ZSCAN22: variants seen among roughly 807,000 people sequenced by gnomAD.
ZSCAN22 encodes the protein zinc finger and SCAN domain containing 22.
A neutral mutation model predicts 12.4 loss-of-function variants in ZSCAN22; 7 were observed. The observed-to-expected ratio is 0.57, with a 90% CI of 0.32 to 1.06. ZSCAN22 has a LOEUF of 1.06. Ranked by LOEUF, ZSCAN22 falls within the 50% of genes least tolerant of loss-of-function variation. The pLI, the probability that ZSCAN22 is intolerant of heterozygous loss-of-function variation, is 0.04. For missense variants in ZSCAN22, 576 were observed against 631.7 expected, an observed-to-expected ratio of 0.91 and a Z score of 0.94; for synonymous variants, 243 against 255.9, an observed-to-expected ratio of 0.95 and a Z score of 0.48.
chr19:58,334,146 G>A (rs1172837125), intron 1 of ZSCAN22, among the ~76,000 whole-genome samples: 1 of 152,200 alleles, frequency 6.6e-6, no homozygotes, highest in African/African-American at 2.4e-5. Flanking sequence ...TTGGGGAGGA[G>A]CACGCCTTAA....
At position 58,334,852 on chromosome 19, in the gene ZSCAN22, G is replaced by A; in HGVS notation, c.50G>A (p.Ser17Asn). 6.2e-7 allele frequency: 1 copy of A among 1,613,692 alleles called. No homozygotes were observed. The highest frequency in any genetic ancestry group is 8.5e-7 in the Non-Finnish European group (1 of 1,179,992). The change falls in exon 2 of 3, where the codon AGC (serine) becomes AAC (asparagine). Residue 17 changes from serine (S) to asparagine (N), a missense_variant. Coordinates refer to ENST00000329665, the MANE Select transcript of ZSCAN22 (RefSeq NM_181846.3). ...AGCCCAGTGCCGTGGGAAGAGGACA[G>A]CTTCCTTCAAGTGAAGGTGGAGGAG... ...SLSPVPWEED[S>N]FLQVKVEEEE...
chr19:58,335,507 C>T lies in ZSCAN22; in HGVS notation c.403+302C>T, dbSNP rs1352906675. On this transcript the variant is annotated intron_variant, in intron 2 of 2. Coordinates refer to ENST00000329665, the MANE Select transcript of ZSCAN22 (RefSeq NM_181846.3). This position sits in a 1 kb window ranked among gnomAD's most constrained non-coding sequence, Gnocchi z 4.1. ...TGTTCTGTTTCTCAGTTGGTTTTTT[C>T]TGTGTTAGCTTCATTCTTATTTTAG... Among the ~76,000 whole-genome samples the T allele has an allele frequency of 1.3e-5, 2 of 152,178 alleles. No individual in the cohort carries two copies. The highest frequency in any genetic ancestry group is 2.9e-5 in the Non-Finnish European group (2 of 68,022).
intron 1 of ZSCAN22, among the ~76,000 whole-genome samples, chr19:58,331,517 CGTT>C (rs1243139687): frequency 2.0e-5 from 2 of 100,620 alleles, no homozygotes; most frequent in African/African-American, 9.2e-5. Flanking sequence ...GTCCAGCTGA[CGTT>C]ATTATTATTA....
chr19:58,339,196 C>G lies in ZSCAN22; in HGVS notation c.1346C>G (p.Ser449Cys). 1.2e-6 allele frequency: 2 copies of G among 1,613,834 alleles called. No individual in the cohort carries two copies. The highest frequency in any genetic ancestry group is 1.7e-6 in the Non-Finnish European group (2 of 1,179,934). The change falls in exon 3 of 3, where the codon TCC becomes TGC. Residue 449 changes from serine to cysteine, a missense_variant. Transcript: ENST00000329665. The surrounding 1 kb of genome is among the most constrained non-coding windows in gnomAD (Gnocchi z 5.6). Reference sequence around the variant, plus strand: ...TGTCCGAAGGCCTTTGCACAGAGCTCCTCCCTCATTGAGCACCAGAGGATC... The same window carrying G: ...TGTCCGAAGGCCTTTGCACAGAGCTGCTCCCTCATTGAGCACCAGAGGATC... ...KVCPKAFAQS[S>C]SLIEHQRIHT...
rs199766103 is a variant in ZSCAN22 at position 58,338,543 on chromosome 19, T to G, written c.693T>G (p.Ser231Arg). Residue 231 changes from serine to arginine, a missense_variant, in exon 3 of 3, where the codon AGT (serine) becomes AGG (arginine). Transcript: ENST00000329665. The surrounding 1 kb of genome is among the most constrained non-coding windows in gnomAD (Gnocchi z 5.4). ...CTGGTGCCTCGAGGAACAGTTCTAG[T>G]GCGTGGCCAAACCTCACCTCCCAAG... The part of the protein sequence containing the change: ...RESGASRNSS[S>R]AWPNLTSQEK... 1.2e-6 allele frequency: 2 copies of G among 1,614,204 alleles called. No individual in the cohort carries two copies.
chr19:58,338,836 G>A lies in ZSCAN22; in HGVS notation c.986G>A (p.Cys329Tyr). Residue 329 changes from cysteine (C) to tyrosine (Y), a missense_variant, in exon 3 of 3, where the codon TGT becomes TAT. Coordinates refer to ENST00000329665, the MANE Select transcript of ZSCAN22 (RefSeq NM_181846.3). The surrounding 1 kb of genome is among the most constrained non-coding windows in gnomAD (Gnocchi z 5.4). Reference sequence around the variant, plus strand: ...GCGAAGCCCCATGAGTGTAAGGAATGTGGGAAGGCCTTCAGCCGAGTCACC... The same window carrying A: ...GCGAAGCCCCATGAGTGTAAGGAATATGGGAAGGCCTTCAGCCGAGTCACC... ...TGAKPHECKECGKAFSRVTHL... is the reference protein window; with the variant it reads ...TGAKPHECKEYGKAFSRVTHL... 1 of 1,614,010 alleles carries A rather than the reference G, an allele frequency of 6.2e-7. No individual in the cohort carries two copies. The highest frequency in any genetic ancestry group is 8.5e-7 in the Non-Finnish European group (1 of 1,179,850).
chr19:58,334,918 A>G lies in ZSCAN22; in HGVS notation c.116A>G (p.His39Arg), dbSNP rs1306886608. The G allele has an allele frequency of 6.2e-7, 1 of 1,614,060 alleles. No individual in the cohort carries two copies. Among genetic ancestry groups the G allele is most frequent in the African/African-American group, 1.3e-5 (1 of 74,946 alleles). Residue 39 changes from histidine to arginine, a missense_variant, in exon 2 of 3, where the codon CAT (histidine) becomes CGT (arginine). Physicochemically the swap from His to Arg is conservative, Grantham distance 29. Transcript: ENST00000329665. ...ASLSQGGESS[H>R]DHIAHSEAAR... ...CTCTCCCAGGGCGGAGAATCCAGCC[A>G]TGACCACATTGCTCACTCTGAGGCT...
intron 1 of ZSCAN22, among the ~76,000 whole-genome samples, chr19:58,333,003 T>C (rs1034136955): frequency 1.3e-5 from 2 of 152,262 alleles, no homozygotes; most frequent in African/African-American, 2.4e-5. Flanking sequence ...TGTGAAGTGC[T>C]ATCTCATTGT....
At chr19:58,337,048 G>A (rs961950417) in intron 2 of ZSCAN22, among the ~76,000 whole-genome samples, 2 of 152,196 alleles carry the variant, frequency 1.3e-5, no homozygotes, top group African/African-American at 2.4e-5. Context: ...AGGTCAGTGC[G>A]AGCATTCCTC....
At chr19:58,328,131 A>C (rs1310327138) in intron 1 of ZSCAN22, among the ~76,000 whole-genome samples, 1 of 152,186 alleles carries the variant, frequency 6.6e-6, no homozygotes, top group Non-Finnish European at 1.5e-5. Flanking sequence ...GATTATAGGC[A>C]TGAGCCACCA....
At chr19:58,332,111 TCTA>T (rs1369712490) in intron 1 of ZSCAN22, among the ~76,000 whole-genome samples, 1 of 151,642 alleles carries the variant, frequency 6.6e-6, no homozygotes. Context: ...GACCTCGTGA[TCTA>T]CTCGCCTCGG....
chr19:58,334,339 CAG>C (rs1480023965), intron 1 of ZSCAN22, among the ~76,000 whole-genome samples: 1 of 152,160 alleles, frequency 6.6e-6, no homozygotes, highest in African/African-American at 2.4e-5. Context: ...TGTTTTGAGA[CAG>C]AGTCTTGTTC....
intron 1 of ZSCAN22, among the ~76,000 whole-genome samples, chr19:58,331,555 T>TTATTAG (rs2051726762): frequency 7.2e-6 from 1 of 138,472 alleles, no homozygotes; most frequent in Admixed American, 7.3e-5. Flanking sequence ...ATTATTATTA[T>TTATTAG]TATTATTATT....
rs779224811 is a variant in ZSCAN22 at position 58,340,480 on chromosome 19, CTTT to C, written c.*1165_*1167del. On this transcript the variant is annotated 3_prime_UTR_variant, in exon 3 of 3. Coordinates refer to ENST00000329665, the MANE Select transcript of ZSCAN22 (RefSeq NM_181846.3). ...CTTCTTTTTCTTTTTCTTTTCTTTT[CTTT>C]TTTTTTTTTTGAGATGGAGTCTCGC... The C allele has an allele frequency of 7.7e-5, 11 of 142,344 alleles. No individual in the cohort carries two copies. The highest frequency in any genetic ancestry group is 1.2e-4 in the Non-Finnish European group (8 of 67,614). 8.8% of individuals were successfully genotyped at this position (142,344 alleles called of 1,614,324 possible). A position where few individuals can be genotyped will look rare whatever the true frequency, so the allele number is the denominator to read the frequency against.
At position 58,340,860 on chromosome 19, in the gene ZSCAN22, C is replaced by G; in HGVS notation, c.*1534C>G. The G allele has an allele frequency of 6.6e-6, 1 of 152,228 alleles. No individual in the cohort carries two copies. Among genetic ancestry groups the G allele is most frequent in the Non-Finnish European group, 1.5e-5 (1 of 68,020 alleles). 9.4% of individuals were successfully genotyped at this position (152,228 alleles called of 1,614,324 possible). A position where few individuals can be genotyped will look rare whatever the true frequency, so the allele number is the denominator to read the frequency against. On this transcript the variant is annotated 3_prime_UTR_variant, in exon 3 of 3. Transcript: ENST00000329665. ...TCTCCGGGAGCAGACTTCAGCTTGC[C>G]CTCTCTGCTTCCAGAGCACCTCCTA...
At chr19:58,334,395 C>T (rs2051764757) in intron 1 of ZSCAN22, among the ~76,000 whole-genome samples, 2 of 152,200 alleles carry the variant, frequency 1.3e-5, no homozygotes, top group South Asian at 4.1e-4. Context: ...CGGCTCACTG[C>T]AAGCTCCGCC....
chr19:58,335,032 G>T lies in ZSCAN22; in HGVS notation c.230G>T (p.Trp77Leu). 6.2e-7 allele frequency: 1 copy of T among 1,614,094 alleles called. No individual in the cohort carries two copies. The highest frequency in any genetic ancestry group is 8.5e-7 in the Non-Finnish European group (1 of 1,180,048). The change falls in exon 2 of 3, where the codon TGG (tryptophan) becomes TTG (leucine). Residue 77 changes from tryptophan (W) to leucine (L), a missense_variant. Physicochemically the swap from Trp to Leu is moderately conservative, Grantham distance 61 (BLOSUM62 -2). Transcript: ENST00000329665. This position sits in a 1 kb window ranked among gnomAD's most constrained non-coding sequence, Gnocchi z 4.1. The part of the protein sequence containing the change: ...LAHLRALCCQ[W>L]LQPEAHSKEQ... ...CACCTCCGAGCGCTGTGCTGTCAGT[G>T]GCTGCAGCCCGAGGCGCACTCCAAG...
At chr19:58,328,615 A>G (rs779916447) in intron 1 of ZSCAN22, among the ~76,000 whole-genome samples, 7 of 152,222 alleles carry the variant, frequency 4.6e-5, no homozygotes, top group Non-Finnish European at 8.8e-5. Flanking sequence ...TTGGTAAAGC[A>G]GCTGTGGATG....
At chr19:58,333,161 T>C (rs968141816) in intron 1 of ZSCAN22, among the ~76,000 whole-genome samples, 1 of 152,214 alleles carries the variant, frequency 6.6e-6, no homozygotes, top group Admixed American at 6.5e-5. Context: ...TACTATGGAG[T>C]TGTTCTAGAT....
Sources: gnomAD v4.1 joint callset for allele counts (sites outside exome capture counted in the v4.1 genomes callset) on GRCh38, gnomAD v4.1.1 for gene constraint, Gnocchi (gnomAD v3.1) non-coding constraint, MANE v1.5 for transcripts, NCBI Gene and HGNC (gene_info 2026-07-23, HGNC 2026-07-21) for gene names.